HUS1: variants seen among roughly 807,000 people sequenced by gnomAD.
HUS1 encodes the protein HUS1 checkpoint clamp component.
A neutral mutation model predicts 32.6 loss-of-function variants in HUS1; 31 were observed. The ratio of observed to expected loss-of-function variants is 0.95; its 90% confidence interval spans 0.72 to 1.28. The LOEUF is 1.28. HUS1 is among the 50% of genes most tolerant of loss of function. HUS1 has a pLI of 0.00. For missense variants in HUS1, 340 were observed against 337.7 expected (o/e 1.01, Z -0.05); for synonymous variants, 123 against 116.6 (o/e 1.06, Z -0.36).
rs1248552648 is a variant in HUS1 at position 47,965,300 on chromosome 7, C to G, written c.*56G>C. 1.7e-6 allele frequency: 2 copies of G among 1,151,360 alleles called. No individual in the cohort carries two copies. Among genetic ancestry groups the G allele is most frequent in the East Asian group, 4.7e-5 (2 of 42,762 alleles). The allele number at this position is 1,151,360 out of a possible 1,614,324, so 71.3% of individuals were successfully genotyped here. On this transcript the variant is annotated 3_prime_UTR_variant, in exon 8 of 8. Coordinates refer to ENST00000258774, the MANE Select transcript of HUS1 (RefSeq NM_004507.4). ...CAGACCAGTGATCAGAACACAACAC[C>G]TGCGGCCTCTCCCATCCTGACAAAG...
intron 5 of HUS1, among the ~76,000 whole-genome samples, chr7:47,970,089 C>A (rs1356202366): frequency 6.6e-6 from 1 of 151,494 alleles, no homozygotes; most frequent in Non-Finnish European, 1.5e-5. Context: ...AAAAATTAGC[C>A]GGGCGTGGTG....
At chr7:47,966,152 G>A (rs921691080) in intron 7 of HUS1, among the ~76,000 whole-genome samples, 3 of 152,010 alleles carry the variant, frequency 2.0e-5, no homozygotes, top group African/African-American at 7.2e-5. Context: ...ACATTCTTTA[G>A]GAGAGGTGGT....
chr7:47,965,921 G>A (rs1788468639), intron 7 of HUS1, among the ~76,000 whole-genome samples: 1 of 152,066 alleles, frequency 6.6e-6, no homozygotes, highest in South Asian at 2.1e-4. Flanking sequence ...AAGGCATCAG[G>A]CATGCAACCA....
intron 3 of HUS1, 181 bp downstream of exon 3, chr7:47,978,236 A>C (rs1788748493): frequency 1.8e-6 from 1 of 543,586 alleles, no homozygotes. Flanking sequence ...TATGATAACA[A>C]CACAATTTTA....
rs763185314 is a variant in HUS1 at position 47,965,366 on chromosome 7, G to A, written c.833C>T (p.Ala278Val). The change falls in exon 8 of 8, where the codon GCG becomes GTG. Residue 278 changes from alanine to valine, a missense_variant. By Grantham distance (64) the Ala-to-Val change is moderately conservative. Transcript: ENST00000258774. ...TCCAGCGACAGGGTGCTAGGACAGC[G>A]CAGGGATGAAATACTGAAGGGACAC... Reference protein sequence around the residue: ...EDVSLQYFIPALS With the variant: ...EDVSLQYFIPVLS 17 of 1,610,612 alleles carry A rather than the reference G, an allele frequency of 1.1e-5. No homozygotes were observed. The South Asian group carries it at 1.1e-4, about 10-fold the overall frequency.
Position 47,965,458 on chromosome 7 carries a change from G to C in HUS1, c.761-20C>G. 1 of 1,553,980 alleles carries C rather than the reference G, an allele frequency of 6.4e-7. No individual in the cohort carries two copies. The highest frequency in any genetic ancestry group is 8.9e-7 in the Non-Finnish European group (1 of 1,125,196). On this transcript the variant is annotated intron_variant, in intron 7 of 7. Coordinates refer to ENST00000258774, the MANE Select transcript of HUS1 (RefSeq NM_004507.4). ...CAATATCTGGGAAGAGAAAAGCCATGATTTTAGAGACCTAGTGCAGCACAC... is the reference window on the plus strand; with the variant it reads ...CAATATCTGGGAAGAGAAAAGCCATCATTTTAGAGACCTAGTGCAGCACAC...
chr7:47,968,409 T>C (rs1788525687), intron 6 of HUS1, among the ~76,000 whole-genome samples: 2 of 152,246 alleles, frequency 1.3e-5, no homozygotes, highest in Non-Finnish European at 2.9e-5. Context: ...CATAACCGTA[T>C]GGATTTCACT....
intron 5 of HUS1, among the ~76,000 whole-genome samples, chr7:47,970,030 A>C (rs3176576): frequency 6.6e-6 from 1 of 151,698 alleles, no homozygotes; most frequent in Non-Finnish European, 1.5e-5. Context: ...TCAGGAGATC[A>C]AGACCATCCT....
chr7:47,972,098 G>T (rs1788611570), intron 5 of HUS1, among the ~76,000 whole-genome samples: 1 of 151,988 alleles, frequency 6.6e-6, no homozygotes, highest in South Asian at 2.1e-4. Context: ...CCTACAATCT[G>T]GAACAATAGT....
intron 7 of HUS1, 82 bp downstream of exon 7, chr7:47,967,724 T>A: frequency 1.9e-6 from 2 of 1,063,112 alleles, no homozygotes; most frequent in Non-Finnish European, 2.6e-6. Context: ...TATGAGACTA[T>A]ATGCAATCTG....
rs374946857 is a variant in HUS1, at chr7:47,979,442, C to T, written c.52+26G>A. On this transcript the variant is annotated intron_variant, in intron 1 of 7. Coordinates refer to ENST00000258774, the MANE Select transcript of HUS1 (RefSeq NM_004507.4). ...TCACTGCTTCCTTCCGTTCCTCCCT[C>T]GCTCCTCTCCGGCCTCCCTGCTCAC... 3.7e-6 allele frequency: 6 copies of T among 1,613,126 alleles called. 1 individual carries two copies. The South Asian group carries it at 6.6e-5, about 18-fold the overall frequency.
intron 4 of HUS1, among the ~76,000 whole-genome samples, chr7:47,976,061 T>C (rs1788697384): frequency 6.6e-6 from 1 of 152,156 alleles, no homozygotes; most frequent in East Asian, 1.9e-4. Context: ...CATTTACACC[T>C]ATGATTCAAG....
chr7:47,970,479 G>T (rs1407026243), intron 5 of HUS1, among the ~76,000 whole-genome samples: 1 of 151,844 alleles, frequency 6.6e-6, no homozygotes, highest in Non-Finnish European at 1.5e-5. Context: ...ATGGAAAGGA[G>T]AAAGATAAAA....
intron 5 of HUS1, chr7:47,971,430 T>C (rs752935929): frequency 1.9e-4 from 85 of 456,616 alleles, no homozygotes; most frequent in African/African-American, 1.6e-3. Context: ...GCCCGGGGAC[T>C]GTCTCCACAG....
At chr7:47,966,591 C>T (rs1788483882) in intron 7 of HUS1, among the ~76,000 whole-genome samples, 1 of 152,156 alleles carries the variant, frequency 6.6e-6, no homozygotes, top group Non-Finnish European at 1.5e-5. Flanking sequence ...CTTGTCAGGA[C>T]CAAGGGTCTG....
chr7:47,968,965 T>A (rs1788537900), intron 6 of HUS1: 2 of 358,126 alleles, frequency 5.6e-6, no homozygotes, highest in African/African-American at 2.1e-5. Flanking sequence ...TGTAACTTGA[T>A]CCGAATTCTA....
intron 6 of HUS1, 63 bp from the exon 7 acceptor site, chr7:47,967,988 C>G (rs1788517148): frequency 6.5e-7 from 1 of 1,532,298 alleles, no homozygotes; most frequent in South Asian, 1.2e-5. Flanking sequence ...CCTGGAGATA[C>G]TCAATGCATT....
intron 4 of HUS1, 54 bp from the exon 5 acceptor site, chr7:47,975,741 G>C (rs1788690511): frequency 1.0e-6 from 1 of 991,878 alleles, no homozygotes; most frequent in Non-Finnish European, 1.5e-6. Flanking sequence ...ATATACTCTA[G>C]TAATGACAAG....
intron 4 of HUS1, 103 bp downstream of exon 4, chr7:47,976,627 T>A (rs1374932317): frequency 1.3e-6 from 1 of 751,790 alleles, no homozygotes; most frequent in African/African-American, 1.8e-5. Context: ...TCGTTAAGTA[T>A]CCTTTAAAAA....
Sources: allele counts gnomAD v4.1 joint callset (sites outside exome capture counted in the v4.1 genomes callset), GRCh38; gene constraint gnomAD v4.1.1; transcripts MANE v1.5; gene names NCBI Gene and HGNC (gene_info 2026-07-23, HGNC 2026-07-21).